OTOF: variants seen among roughly 807,000 people sequenced by gnomAD.
OTOF encodes the protein otoferlin.
In OTOF, 218 loss-of-function variants were observed where a neutral mutation model predicts 236.8. The observed-to-expected ratio is 0.92, with a 90% confidence interval of 0.82 to 1.03. The LOEUF (loss-of-function observed/expected upper bound fraction) is 1.03, where lower values mean the gene tolerates loss of function less well. Among genes scored for constraint, OTOF ranks in the 50% least tolerant of loss-of-function variants. The pLI is 0.00. For missense variants in OTOF, 2,590 were observed against 2,694.4 expected (o/e 0.96, Z 0.86); for synonymous variants, 1,041 against 1,072.5 (o/e 0.97, Z 0.57).
At chr2:26,527,604 T>C (rs1387530978) in intron 3 of OTOF, among the ~76,000 whole-genome samples, 7 of 152,278 alleles carry the variant, frequency 4.6e-5, no homozygotes, top group Admixed American at 4.6e-4. Flanking sequence ...GGGTGGAGTG[T>C]TCTTGGCTGA....
intron 7 of OTOF, 88 bp from the exon 8 acceptor site, chr2:26,501,896 G>A: frequency 1.1e-6 from 1 of 920,746 alleles, no homozygotes; most frequent in Non-Finnish European, 1.8e-6. Flanking sequence ...CCTGGGAGTG[G>A]GCAGAGGGAC....
chr2:26,481,585 T>C (rs80277185), intron 14 of OTOF, among the ~76,000 whole-genome samples: 6,715 of 152,094 alleles, frequency 0.044, 259 homozygotes, highest in African/African-American at 0.11. Flanking sequence ...AAAAACACAC[T>C]TATAGCATTT....
chr2:26,508,317 C>A (rs1016393513), intron 5 of OTOF, among the ~76,000 whole-genome samples: 1 of 152,236 alleles, frequency 6.6e-6, no homozygotes, highest in African/African-American at 2.4e-5. Flanking sequence ...AAAAATTTTC[C>A]ATGCCCCAAG....
chr2:26,479,519 C>T lies in OTOF; in HGVS notation c.2047G>A (p.Ala683Thr). The T allele has an allele frequency of 1.2e-6, 2 of 1,605,140 alleles. No homozygotes were observed. Among genetic ancestry groups the T allele is most frequent in the Non-Finnish European group, 1.7e-6 (2 of 1,176,712 alleles). Reference sequence around the variant, plus strand: ...ATTGGTGGAGTGGAGGAGACTGAGGCCAGGTCCCCGGCATCACCGGCCTCG... The same window carrying T: ...ATTGGTGGAGTGGAGGAGACTGAGGTCAGGTCCCCGGCATCACCGGCCTCG... ...DDEAGDAGDL[A>T]SVSSTPPMRP... Residue 683 changes from alanine (A) to threonine (T), a missense_variant, in exon 17 of 47, where the codon GCC becomes ACC. By Grantham distance (58) the Ala-to-Thr change is moderately conservative (BLOSUM62 0). Around this residue, in one of 2 missense-constraint regions of OTOF, gnomAD observed 1,379 missense variants for 1,341.6 expected, o/e 1.03. Transcript: ENST00000272371.
intron 2 of OTOF, among the ~76,000 whole-genome samples, chr2:26,534,388 C>T (rs1667017508): frequency 6.6e-6 from 1 of 152,208 alleles, no homozygotes; most frequent in African/African-American, 2.4e-5. Flanking sequence ...CTGTCTCTCC[C>T]TAGCTTTTCC....
chr2:26,537,652 G>A (rs531110678), intron 2 of OTOF, 64 bp downstream of exon 2: 12 of 1,294,186 alleles, frequency 9.3e-6, no homozygotes, highest in Admixed American at 2.0e-5. Flanking sequence ...GCAAGAGGCA[G>A]CGAAGGGTGG....
In OTOF at chr2:26,489,261, G is replaced by A. The variant is rs1665777035; in HGVS notation, c.995C>T (p.Thr332Ile). The change falls in exon 11 of 47, where the codon ACC becomes ATC. Residue 332 changes from threonine (T) to isoleucine (I), a missense_variant. By Grantham distance (89) the Thr-to-Ile change is moderately conservative. Coordinates refer to ENST00000272371, the MANE Select transcript of OTOF (RefSeq NM_194248.3). ...GTCCATTTTGAAGGAGCCCACCAGGGTGCCACTGCGCAGCAGGTTCTTGGA... is the reference window on the plus strand; with the variant it reads ...GTCCATTTTGAAGGAGCCCACCAGGATGCCACTGCGCAGCAGGTTCTTGGA... ...IHSKNLLRSG[T>I]LVGSFKMDVG... The A allele has an allele frequency of 6.2e-7, 1 of 1,612,980 alleles. No homozygotes were observed. Among genetic ancestry groups the A allele is most frequent in the Non-Finnish European group, 8.5e-7 (1 of 1,179,866 alleles).
intron 8 of OTOF, among the ~76,000 whole-genome samples, chr2:26,497,685 T>C (rs1666022634): frequency 6.6e-6 from 1 of 152,176 alleles, no homozygotes; most frequent in African/African-American, 2.4e-5. Flanking sequence ...ACAAATGAAG[T>C]GACACTTGAA....
chr2:26,527,264 C>T (rs574061294), intron 3 of OTOF, among the ~76,000 whole-genome samples: 1 of 152,244 alleles, frequency 6.6e-6, no homozygotes, highest in East Asian at 1.9e-4. Flanking sequence ...TCATTTAATT[C>T]ACACAGCTGC....
chr2:26,473,656 C>G lies in OTOF; in HGVS notation c.3409-89G>C. ...GGGTGCTGGACCATCCAATAGGGAA[C>G]CGGGCAGTGGGATGGGCAGTAGTTC... is the stretch of plus-strand genomic sequence containing the variant. On this transcript the variant is annotated intron_variant, in intron 27 of 46. Transcript: ENST00000272371. This position sits in a 1 kb window ranked among gnomAD's most constrained non-coding sequence, Gnocchi z 7.2. The G allele has an allele frequency of 7.4e-7, 1 of 1,359,884 alleles. No homozygotes were observed. Among genetic ancestry groups the G allele is most frequent in the South Asian group, 1.4e-5 (1 of 74,054 alleles). The allele number at this position is 1,359,884 out of a possible 1,614,324, so 84.2% of individuals were successfully genotyped here.
chr2:26,542,155 G>C (rs1022713683), intron 1 of OTOF, among the ~76,000 whole-genome samples: 1 of 152,234 alleles, frequency 6.6e-6, no homozygotes, highest in Non-Finnish European at 1.5e-5. Flanking sequence ...CATGATTTAA[G>C]GGGACAAAAT....
At chr2:26,526,729 G>A (rs4438438) in intron 3 of OTOF, among the ~76,000 whole-genome samples, 49,535 of 151,876 alleles carry the variant, frequency 0.33, 10,266 homozygotes, top group Non-Finnish European at 0.48. Flanking sequence ...TTTAGGATGA[G>A]GCCTACTTTT....
chr2:26,507,323 C>A (rs770268940), intron 5 of OTOF, among the ~76,000 whole-genome samples: 3 of 152,180 alleles, frequency 2.0e-5, no homozygotes, highest in Non-Finnish European at 2.9e-5. Flanking sequence ...TTGTAATTTT[C>A]TGATCAGTAA....
intron 35 of OTOF, 107 bp from the exon 36 acceptor site, chr2:26,466,958 A>G (rs2148030053): frequency 6.4e-7 from 1 of 1,562,110 alleles, no homozygotes; most frequent in Non-Finnish European, 8.8e-7. Flanking sequence ...CAGGGCCTTC[A>G]CCCTTTAACT....
Position 26,558,528 on chromosome 2 carries a change from C to A in OTOF, c.44G>T (p.Gly15Val). 1 of 1,614,044 alleles carries A rather than the reference C, an allele frequency of 6.2e-7. No homozygotes were observed. The highest frequency in any genetic ancestry group is 8.5e-7 in the Non-Finnish European group (1 of 1,179,964). ...CACTTTGGCGATCCGGTCGCCCCTG[C>A]CCCGCAGCTCCGAGACTGTCTTGAG... ...IHLKTVSELR[G>V]RGDRIAKVTF... is the part of the protein sequence containing the mutation. The change falls in exon 1 of 47, where the codon GGC becomes GTC. Residue 15 changes from glycine to valine, a missense_variant. Physicochemically the swap from Gly to Val is moderately radical, Grantham distance 109. Around this residue, in one of 2 missense-constraint regions of OTOF, gnomAD observed 1,379 missense variants for 1,341.6 expected, o/e 1.03. Transcript: ENST00000272371.
intron 5 of OTOF, among the ~76,000 whole-genome samples, chr2:26,509,159 C>T (rs1042098529): frequency 6.6e-6 from 1 of 152,172 alleles, no homozygotes; most frequent in African/African-American, 2.4e-5. Context: ...CTTAGAGCAT[C>T]GCTGATCTCA....
intron 15 of OTOF, 27 bp from the exon 16 acceptor site, chr2:26,480,338 C>T (rs1213499818): frequency 7.1e-7 from 1 of 1,412,064 alleles, no homozygotes; most frequent in African/African-American, 1.4e-5. Context: ...CAAAGCGTTC[C>T]TGAGCTTGAG....
In OTOF at chr2:26,477,962, C is replaced by T; in HGVS notation, c.2215-213G>A. On this transcript the variant is annotated intron_variant, in intron 18 of 46. Transcript: ENST00000272371. The surrounding 1 kb of genome is among the most constrained non-coding windows in gnomAD (Gnocchi z 4.7). ...GATGTTGGTGTTCATGGGGGTTCTT[C>T]AGTTCCTGAAGGAAGAAGCCACCTC... 1 of 1,470,022 alleles carries T rather than the reference C, an allele frequency of 6.8e-7. No homozygotes were observed. The highest frequency in any genetic ancestry group is 9.0e-7 in the Non-Finnish European group (1 of 1,111,612). The allele number at this position is 1,470,022 out of a possible 1,614,324, so 91.1% of individuals were successfully genotyped here. A position where few individuals can be genotyped will look rare whatever the true frequency, so the allele number is the denominator to read the frequency against.
chr2:26,517,784 C>T (rs939594465), intron 4 of OTOF, among the ~76,000 whole-genome samples: 3 of 152,170 alleles, frequency 2.0e-5, no homozygotes, highest in African/African-American at 7.2e-5. Context: ...GGCAAGTGGG[C>T]TAGGAGATCC....
Sources: gnomAD v4.1 joint callset for allele counts (sites outside exome capture counted in the v4.1 genomes callset) on GRCh38, gnomAD v4.1.1 for gene constraint, gnomAD v4.1.1 regional missense constraint, Gnocchi (gnomAD v3.1) non-coding constraint, MANE v1.5 for transcripts, NCBI Gene and HGNC (gene_info 2026-07-23, HGNC 2026-07-21) for gene names.